ARHGEF18: variants seen among roughly 807,000 people sequenced by gnomAD.
ARHGEF18 encodes Rho/Rac guanine nucleotide exchange factor 18, also known as rho guanine nucleotide exchange factor 18.
A neutral mutation model predicts 155.7 loss-of-function variants in ARHGEF18; 93 were observed. The observed-to-expected ratio is 0.60, with a 90% confidence interval of 0.50 to 0.71. The LOEUF is 0.71. Ranked by LOEUF, ARHGEF18 falls within the 30% of genes least tolerant of loss-of-function variation. ARHGEF18 has a pLI of 0.00. For synonymous variants in ARHGEF18, 742 were observed against 753.1 expected, an observed-to-expected ratio of 0.99 and a Z score of 0.24; for missense variants, 1,593 against 1,816.1, an observed-to-expected ratio of 0.88 and a Z score of 2.23.
chr19:7,445,288 A>C (rs938028232), intron 14 of ARHGEF18, among the ~76,000 whole-genome samples: 2 of 152,140 alleles, frequency 1.3e-5, no homozygotes, highest in African/African-American at 2.4e-5. Flanking sequence ...TCTACAAAAC[A>C]TGAAAATAAA....
At chr19:7,477,868 CA>C in the ARHGEF18 span, among the ~76,000 whole-genome samples, 1 of 152,106 alleles carries the variant, frequency 6.6e-6, no homozygotes, top group East Asian at 1.9e-4. Flanking sequence ...AAATAAAAAA[CA>C]AAATTAGCCA....
chr19:7,369,290 T>C (rs1043620784), intron 2 of ARHGEF18, among the ~76,000 whole-genome samples: 2 of 151,946 alleles, frequency 1.3e-5, no homozygotes, highest in East Asian at 3.9e-4. Flanking sequence ...GGAGAAACCC[T>C]ATCTCTACTA....
intron 10 of ARHGEF18, among the ~76,000 whole-genome samples, chr19:7,425,726 A>G (rs2145698952): frequency 6.6e-6 from 1 of 151,268 alleles, no homozygotes; most frequent in South Asian, 2.1e-4. Flanking sequence ...GAGGCCGGGC[A>G]CAGTGGCTCA....
intron 19 of ARHGEF18, among the ~76,000 whole-genome samples, chr19:7,459,443 C>T (rs1250618255): frequency 6.6e-6 from 1 of 152,070 alleles, no homozygotes; most frequent in East Asian, 1.9e-4. Context: ...TGGTCTTGAA[C>T]TCCTGGCCTC....
At chr19:7,413,599 C>CA (rs71179107) in intron 10 of ARHGEF18, among the ~76,000 whole-genome samples, 74,859 of 151,732 alleles carry the variant, frequency 0.49, 19,630 homozygotes, top group Middle Eastern at 0.71. Flanking sequence ...CTGCGCCCGG[C>CA]AAAAAAATCT....
chr19:7,397,097 G>GAAAA (rs35973104), intron 10 of ARHGEF18, among the ~76,000 whole-genome samples: 1 of 62,282 alleles, frequency 1.6e-5, no homozygotes, highest in Non-Finnish European at 4.0e-5. Context: ...GCCTTTTTGC[G>GAAAA]AAAAAAAAAA....
intron 1 of ARHGEF18, among the ~76,000 whole-genome samples, chr19:7,352,801 G>A (rs574138281): frequency 1.2e-3 from 157 of 136,226 alleles, no homozygotes; most frequent in Non-Finnish European, 2.0e-3. Flanking sequence ...CCAAAGTGCT[G>A]GAATTACAGG....
At chr19:7,364,389 G>GAAGA (rs1969791781) in intron 2 of ARHGEF18, among the ~76,000 whole-genome samples, 2 of 147,232 alleles carry the variant, frequency 1.4e-5, no homozygotes, top group African/African-American at 2.5e-5. Context: ...AGGAAGGAAG[G>GAAGA]AAGGAAGGAA....
At chr19:7,406,103 C>T (rs944852554) in intron 10 of ARHGEF18, among the ~76,000 whole-genome samples, 9 of 152,102 alleles carry the variant, frequency 5.9e-5, no homozygotes, top group Non-Finnish European at 8.8e-5. Context: ...GTTATTGAGA[C>T]GGAGTTTCGC....
At chr19:7,452,204 A>G (rs866636588) in intron 16 of ARHGEF18, among the ~76,000 whole-genome samples, 2 of 152,316 alleles carry the variant, frequency 1.3e-5, no homozygotes, top group Non-Finnish European at 1.5e-5. Context: ...GGTGGTTCAA[A>G]CAGACCCAGA....
intron 2 of ARHGEF18, among the ~76,000 whole-genome samples, chr19:7,370,325 C>T (rs1970144510): frequency 6.6e-6 from 1 of 152,028 alleles, no homozygotes; most frequent in Non-Finnish European, 1.5e-5. Flanking sequence ...GAAACTCCAT[C>T]TCTACTAAAA....
rs143283967 is a variant in ARHGEF18, at chr19:7,372,124, G to A, written c.16-688G>A. Among the ~76,000 whole-genome samples the A allele has an allele frequency of 4.1e-3, 622 of 152,246 alleles. 4 individuals are homozygous for A. Among genetic ancestry groups the A allele is most frequent in the African/African-American group, 0.013 (525 of 41,526 alleles). On this transcript the variant is annotated intron_variant, in intron 2 of 28. Transcript: ENST00000668164. ...ATGGAGCCATGGGGGAAGCCCACTC[G>A]CCCACCTACCCACCAAACCCTGTGT...
At chr19:7,392,530 A>C (rs1029776584) in intron 10 of ARHGEF18, 3 of 148,280 alleles carry the variant, frequency 2.0e-5, no homozygotes, top group African/African-American at 7.5e-5. Flanking sequence ...TGAAACCCTG[A>C]CTCTACTGAA....
chr19:7,438,960 A>T (rs1387998215), intron 10 of ARHGEF18, among the ~76,000 whole-genome samples: 1 of 149,532 alleles, frequency 6.7e-6, no homozygotes, highest in Non-Finnish European at 1.5e-5. Context: ...GCAACCTCCG[A>T]CTCCCGGGTT....
At chr19:7,472,490 C>A (rs376809915), downstream of ARHGEF18, 48 of 162,698 alleles carry the variant, frequency 3.0e-4, 1 homozygote, top group South Asian at 7.4e-3. Context: ...CGGTGACTGG[C>A]GTGCACGTTC....
intron 15 of ARHGEF18, among the ~76,000 whole-genome samples, chr19:7,448,082 G>T (rs889866734): frequency 5.9e-5 from 9 of 152,344 alleles, no homozygotes; most frequent in African/African-American, 2.2e-4. Context: ...CTGCAGCTCA[G>T]TATGGGACCT....
chr19:7,375,678 G>A lies in ARHGEF18; in HGVS notation c.276-42G>A. The A allele has an allele frequency of 8.9e-6, 11 of 1,233,720 alleles. No individual in the cohort carries two copies. The South Asian group carries it at 2.9e-4, about 32-fold the overall frequency. The allele number at this position is 1,233,720 out of a possible 1,614,324, so 76.4% of individuals were successfully genotyped here. On this transcript the variant is annotated intron_variant, in intron 3 of 28. Coordinates refer to ENST00000668164, the MANE Select transcript of ARHGEF18 (RefSeq NM_001367823.1). ...GATGCCTGGGGCAGCAGCCAGGTGGGCAAGACCTGCTGAAGCCCCAGTACC... is the reference window on the plus strand; with the variant it reads ...GATGCCTGGGGCAGCAGCCAGGTGGACAAGACCTGCTGAAGCCCCAGTACC...
rs184566217 is a variant in ARHGEF18 at position 7,379,313 on chromosome 19, C to A, written c.644+147C>A. 122 of 681,276 alleles carry A rather than the reference C, an allele frequency of 1.8e-4. No individual in the cohort carries two copies. The East Asian group carries it at 4.9e-3, about 28-fold the overall frequency. 42.2% of individuals were successfully genotyped at this position (681,276 alleles called of 1,614,324 possible). A position where few individuals can be genotyped will look rare whatever the true frequency, so the allele number is the denominator to read the frequency against. ...GTGGCTCACGCCTGTAATCCCAGCA[C>A]TTTGGGAGGCTGAGGCAGGCAGATC... On this transcript the variant is annotated intron_variant, in intron 7 of 28. Coordinates refer to ENST00000668164, the MANE Select transcript of ARHGEF18 (RefSeq NM_001367823.1).
At chr19:7,405,721 C>T (rs1000737532) in intron 10 of ARHGEF18, among the ~76,000 whole-genome samples, 4 of 152,100 alleles carry the variant, frequency 2.6e-5, no homozygotes, top group Admixed American at 2.6e-4. Flanking sequence ...AGCAATCCTC[C>T]CGCCTCAGCC....
Sources: allele counts gnomAD v4.1 joint callset (sites outside exome capture counted in the v4.1 genomes callset), GRCh38; gene constraint gnomAD v4.1.1; transcripts MANE v1.5; gene names NCBI Gene and HGNC (gene_info 2026-07-23, HGNC 2026-07-21).